Variants in HEXB observed in about 807,000 individuals in gnomAD.
HEXB encodes hexosaminidase subunit beta.
In HEXB, 51 loss-of-function variants were observed where a neutral mutation model predicts 71.2. The observed-to-expected ratio is 0.72, with a 90% CI of 0.57 to 0.90. HEXB has a LOEUF of 0.90. Among genes scored for constraint, HEXB ranks in the 40% least tolerant of loss-of-function variants. HEXB has a pLI of 0.00. For synonymous variants in HEXB, 266 were observed against 249.3 expected, an observed-to-expected ratio of 1.07 and a Z score of -0.63; for missense variants, 617 against 677.0, an observed-to-expected ratio of 0.91 and a Z score of 0.98.
chr5:74,658,540 G>A (rs1047245527), intron 1 of HEXB, among the ~76,000 whole-genome samples: 1 of 151,984 alleles, frequency 6.6e-6, no homozygotes, highest in Non-Finnish European at 1.5e-5. Context: ...GCTAAGATCA[G>A]CTAGGTGGGC....
chr5:74,698,799 T>C (rs138084761), intron 5 of HEXB, among the ~76,000 whole-genome samples: 3 of 152,324 alleles, frequency 2.0e-5, no homozygotes, highest in Non-Finnish European at 4.4e-5. Flanking sequence ...ACAATATAAA[T>C]GTGCATAAAA....
intron 1 of HEXB, among the ~76,000 whole-genome samples, chr5:74,660,609 A>T (rs182142749): frequency 6.6e-6 from 1 of 152,230 alleles, no homozygotes; most frequent in Non-Finnish European, 1.5e-5. Context: ...ATCCCAGTCA[A>T]TGAGAAGAAT....
intron 1 of HEXB, among the ~76,000 whole-genome samples, chr5:74,666,411 T>C (rs1305370454): frequency 6.6e-6 from 1 of 152,244 alleles, no homozygotes; most frequent in Non-Finnish European, 1.5e-5. Flanking sequence ...GGCAGTGACA[T>C]TGAAAATGGC....
At chr5:74,658,350 T>G (rs1748257129) in intron 1 of HEXB, among the ~76,000 whole-genome samples, 1 of 152,234 alleles carries the variant, frequency 6.6e-6, no homozygotes. Context: ...CAAAGCATTC[T>G]GCATGGTAAA....
At chr5:74,679,228 T>A (rs1748692159) in intron 1 of HEXB, among the ~76,000 whole-genome samples, 1 of 152,170 alleles carries the variant, frequency 6.6e-6, no homozygotes, top group Non-Finnish European at 1.5e-5. Context: ...TGGAATGACA[T>A]TGAAGATAGG....
intron 2 of HEXB, among the ~76,000 whole-genome samples, chr5:74,690,351 C>A (rs1748969640): frequency 6.6e-6 from 1 of 151,946 alleles, no homozygotes; most frequent in South Asian, 2.1e-4. Flanking sequence ...GACAGGGGAA[C>A]TAAGTGTAAA....
chr5:74,718,945 A>G lies in HEXB; in HGVS notation c.1391A>G (p.Tyr464Cys). 1 of 1,614,132 alleles carries G rather than the reference A, an allele frequency of 6.2e-7. No individual in the cohort carries two copies. The highest frequency in any genetic ancestry group is 8.5e-7 in the Non-Finnish European group (1 of 1,180,006). Residue 464 changes from tyrosine (Y) to cysteine (C), a missense_variant, in exon 11 of 14, where the codon TAT becomes TGT. Physicochemically the swap from Tyr to Cys is radical, Grantham distance 194. Coordinates refer to ENST00000261416, the MANE Select transcript of HEXB (RefSeq NM_000521.4). Reference protein sequence around the residue: ...ISYGQDWRKYYKVEPLDFGGT... With the variant: ...ISYGQDWRKYCKVEPLDFGGT... ...TATGGACAAGATTGGAGGAAATACTATAAAGTGGAACCTCTTGATTTTGGC... is the reference window on the plus strand; with the variant it reads ...TATGGACAAGATTGGAGGAAATACTGTAAAGTGGAACCTCTTGATTTTGGC...
At chr5:74,717,993 T>G (rs1749718216) in intron 9 of HEXB, among the ~76,000 whole-genome samples, 1 of 152,206 alleles carries the variant, frequency 6.6e-6, no homozygotes, top group African/African-American at 2.4e-5. Context: ...TTGTACAATT[T>G]CCTGAGTTGC....
At chr5:74,687,352 A>G (rs1447515573) in intron 1 of HEXB, among the ~76,000 whole-genome samples, 2 of 152,216 alleles carry the variant, frequency 1.3e-5, no homozygotes, top group African/African-American at 4.8e-5. Flanking sequence ...AGCATCACAT[A>G]GCCCCTGTCT....
At chr5:74,662,232 A>C (rs1696980) in intron 1 of HEXB, among the ~76,000 whole-genome samples, 143,524 of 152,210 alleles carry the variant, frequency 0.94, 67,752 homozygotes, top group East Asian at 1. Flanking sequence ...TATTTTCAGA[A>C]GTTTTTCACC....
At chr5:74,661,613 T>A (rs998700346) in intron 1 of HEXB, among the ~76,000 whole-genome samples, 2 of 150,822 alleles carry the variant, frequency 1.3e-5, no homozygotes, top group Non-Finnish European at 2.9e-5. Context: ...CCTAGACTGA[T>A]CTCAAACTCC....
intron 11 of HEXB, chr5:74,720,167 A>G (rs1749789446): frequency 1.6e-5 from 8 of 490,292 alleles, no homozygotes; most frequent in Non-Finnish European, 3.0e-5. Flanking sequence ...CTGGCCCACT[A>G]CATTAATCTA....
intron 1 of HEXB, among the ~76,000 whole-genome samples, chr5:74,660,671 C>T (rs947045910): frequency 1.3e-5 from 2 of 152,214 alleles, no homozygotes; most frequent in East Asian, 3.8e-4. Context: ...TTCCTAGCAG[C>T]AGCTGAATGC....
At chr5:74,694,839 G>A (rs143059311) in intron 3 of HEXB, among the ~76,000 whole-genome samples, 4 of 151,888 alleles carry the variant, frequency 2.6e-5, no homozygotes, top group East Asian at 1.9e-4. Context: ...GCATGGTGGC[G>A]CATGCCTGTA....
At chr5:74,670,364 C>A (rs1748510587) in intron 1 of HEXB, among the ~76,000 whole-genome samples, 1 of 152,120 alleles carries the variant, frequency 6.6e-6, no homozygotes, top group Non-Finnish European at 1.5e-5. Flanking sequence ...ACCCTCACGT[C>A]CCCTCTCTGC....
intron 11 of HEXB, chr5:74,720,106 T>G: frequency 3.0e-6 from 1 of 335,930 alleles, no homozygotes. Context: ...TAAAAAATGG[T>G]TTCTGGTGTC....
chr5:74,660,275 A>T (rs1375901026), intron 1 of HEXB, among the ~76,000 whole-genome samples: 1 of 152,174 alleles, frequency 6.6e-6, no homozygotes, highest in African/African-American at 2.4e-5. Context: ...AACGATTACA[A>T]TCCTGTTCCT....
At chr5:74,717,322 T>C (rs765692542) in intron 9 of HEXB, among the ~76,000 whole-genome samples, 1 of 152,110 alleles carries the variant, frequency 6.6e-6, no homozygotes, top group Non-Finnish European at 1.5e-5. Context: ...TATATACCTG[T>C]GCTACCCAAT....
chr5:74,712,686 G>GATTGCACCCCACAGTGTCA (rs1233964944), intron 6 of HEXB, among the ~76,000 whole-genome samples: 3 of 152,100 alleles, frequency 2.0e-5, no homozygotes, highest in Admixed American at 2.0e-4. Context: ...GGGTTTTGCT[G>GATTGCACCCCACAGTGTCA]ATTGCACCCC....
Sources: gnomAD v4.1 joint callset for allele counts (sites outside exome capture counted in the v4.1 genomes callset) on GRCh38, gnomAD v4.1.1 for gene constraint, MANE v1.5 for transcripts, NCBI Gene and HGNC (gene_info 2026-07-23, HGNC 2026-07-21) for gene names.